The following ABR variants were observed in gnomAD, a reference collection of about 807,000 sequenced individuals.
ABR encodes the protein active breakpoint cluster region-related protein.
A neutral mutation model predicts 107.2 loss-of-function variants in ABR; 35 were observed. The ratio of observed to expected loss-of-function variants is 0.33; its 90% confidence interval spans 0.25 to 0.43. The LOEUF (loss-of-function observed/expected upper bound fraction) is 0.43. ABR is among the 20% of genes least tolerant of loss of function. The pLI, the probability that ABR is intolerant of heterozygous loss-of-function variation, is 1.00. For missense variants in ABR, 815 were observed against 1,115.2 expected (o/e 0.73, Z 3.83); for synonymous variants, 498 against 462.0 (o/e 1.08, Z -1.00).
At chr17:1,062,136 A>G (rs1014651379) in intron 10 of ABR, among the ~76,000 whole-genome samples, 1 of 152,096 alleles carries the variant, frequency 6.6e-6, no homozygotes, top group African/African-American at 2.4e-5. Flanking sequence ...AAACCGCTCC[A>G]GGCCCTTCCT....
intron 16 of ABR, among the ~76,000 whole-genome samples, chr17:1,040,295 G>A (rs1028095477): frequency 6.6e-6 from 1 of 152,212 alleles, no homozygotes; most frequent in East Asian, 1.9e-4. Context: ...CTTGACTCCT[G>A]CCCTGGCGGG....
At chr17:1,145,401 T>C (rs2040484291) in intron 1 of ABR, among the ~76,000 whole-genome samples, 1 of 152,218 alleles carries the variant, frequency 6.6e-6, no homozygotes, top group African/African-American at 2.4e-5. Flanking sequence ...TGATAACAAG[T>C]AATAATCCTG....
chr17:1,201,999 A>T (rs1336627539), intron 1 of ABR, among the ~76,000 whole-genome samples: 2 of 151,930 alleles, frequency 1.3e-5, no homozygotes, highest in African/African-American at 4.8e-5. Flanking sequence ...TTTCTTAAAA[A>T]GTCAAAGCAA....
At chr17:1,102,130 G>C (rs191473529) in intron 2 of ABR, among the ~76,000 whole-genome samples, 2 of 152,084 alleles carry the variant, frequency 1.3e-5, no homozygotes, top group Non-Finnish European at 2.9e-5. Context: ...CCGGATGCCC[G>C]TCCCTACCCT....
In ABR at chr17:1,226,446, GTGTA is replaced by G. The variant is rs535577223; in HGVS notation, c.838+2343_838+2346del. 2.8e-4 allele frequency among the ~76,000 whole-genome samples: 42 copies of G among 152,048 alleles called. No individual in the cohort carries two copies. In the East Asian group the frequency reaches 7.4e-3, roughly 27 times the overall value. On this transcript the variant is annotated intron_variant, in intron 1 of 22. Transcript: ENST00000574139. ...GTGCCATGTATATACGTGTGCAGGT[GTGTA>G]TGTGTGTGCATGCATGTATGTGGCA...
At chr17:1,130,965 T>C (rs2151468567) in intron 1 of ABR, among the ~76,000 whole-genome samples, 1 of 152,356 alleles carries the variant, frequency 6.6e-6, no homozygotes, top group Non-Finnish European at 1.5e-5. Flanking sequence ...ATTTCTGCTG[T>C]TCTAAGCCAT....
intron 4 of ABR, among the ~76,000 whole-genome samples, chr17:1,087,716 ATTC>A (rs1168850544): frequency 6.6e-6 from 1 of 151,794 alleles, no homozygotes; most frequent in East Asian, 1.9e-4. Context: ...GATCACCGAT[ATTC>A]TTCCAGGAAA....
chr17:1,183,137 G>A (rs1458195095), upstream of ABR, among the ~76,000 whole-genome samples: 1 of 152,180 alleles, frequency 6.6e-6, no homozygotes, highest in Admixed American at 6.5e-5. Context: ...ATCTGTCAGA[G>A]GAGCGGGGAG....
At chr17:1,161,234 C>T (rs987743586) in intron 1 of ABR, among the ~76,000 whole-genome samples, 35 of 151,360 alleles carry the variant, frequency 2.3e-4, no homozygotes, top group African/African-American at 8.0e-4. Flanking sequence ...ATCCCCGTCA[C>T]CCACAAGTCC....
chr17:1,149,055 C>T (rs2151522758), intron 1 of ABR, among the ~76,000 whole-genome samples: 1 of 150,140 alleles, frequency 6.7e-6, no homozygotes, highest in South Asian at 2.1e-4. Context: ...GTGCCTGCCA[C>T]CATGCCTGGC....
intron 2 of ABR, among the ~76,000 whole-genome samples, chr17:1,116,082 C>T (rs190008130): frequency 1.4e-4 from 21 of 149,462 alleles, no homozygotes; most frequent in African/African-American, 3.5e-4. Context: ...CAAAATTAGC[C>T]GGATGTGGTG....
intron 1 of ABR, among the ~76,000 whole-genome samples, chr17:1,226,073 C>T (rs1056579758): frequency 3.3e-5 from 5 of 152,164 alleles, no homozygotes; most frequent in Non-Finnish European, 7.3e-5. Context: ...GAGAAAAACC[C>T]CTGCCTGCCT....
chr17:1,028,034 C>T (rs2072356639), intron 16 of ABR, among the ~76,000 whole-genome samples: 1 of 152,000 alleles, frequency 6.6e-6, no homozygotes, highest in Non-Finnish European at 1.5e-5. Flanking sequence ...AAACGACAGG[C>T]TCTGTGAGGG....
chr17:1,058,695 C>T, intron 11 of ABR, 50 bp downstream of exon 11: 2 of 1,603,072 alleles, frequency 1.2e-6, no homozygotes, highest in Admixed American at 1.7e-5. Flanking sequence ...GAGTGGGCTG[C>T]TCTGGACTAA....
intron 1 of ABR, among the ~76,000 whole-genome samples, chr17:1,146,518 A>G (rs1310573006): frequency 6.6e-6 from 1 of 152,180 alleles, no homozygotes; most frequent in African/African-American, 2.4e-5. Context: ...GGGCACATGA[A>G]GATGACCATG....
intron 1 of ABR, among the ~76,000 whole-genome samples, chr17:1,133,680 C>T (rs1225470054): frequency 6.6e-6 from 1 of 152,168 alleles, no homozygotes; most frequent in Non-Finnish European, 1.5e-5. Context: ...AATTAATGTA[C>T]GGTCTCTGCG....
At chr17:1,170,820 C>G (rs2151597146) in intron 1 of ABR, among the ~76,000 whole-genome samples, 1 of 152,188 alleles carries the variant, frequency 6.6e-6, no homozygotes, top group Non-Finnish European at 1.5e-5. Context: ...TCACGGGACC[C>G]CAGGATCCTG....
chr17:1,210,839 C>T lies in ABR; in HGVS notation c.838+17954G>A, dbSNP rs868105656. Among the ~76,000 whole-genome samples the T allele has an allele frequency of 1.3e-5, 2 of 152,200 alleles. No individual in the cohort carries two copies. Among genetic ancestry groups the T allele is most frequent in the South Asian group, 4.1e-4 (2 of 4,836 alleles). On this transcript the variant is annotated intron_variant, in intron 1 of 22. Coordinates refer to the ABR transcript ENST00000574139. The surrounding 1 kb of genome is among the most constrained non-coding windows in gnomAD (Gnocchi z 5.6). ...GAACCGTATTTTTGCATCCTTTTAACATCAACCTGTAGGGCCAGATGGACG... is the reference window on the plus strand; with the variant it reads ...GAACCGTATTTTTGCATCCTTTTAATATCAACCTGTAGGGCCAGATGGACG...
At chr17:1,009,649 G>A (rs374158139) in intron 21 of ABR, 30 bp downstream of exon 21, 94 of 1,576,588 alleles carry the variant, frequency 6.0e-5, no homozygotes, top group Non-Finnish European at 7.8e-5. Context: ...GAGGGACTGA[G>A]GAGGTGGGGT....
Sources: allele counts gnomAD v4.1 joint callset (sites outside exome capture counted in the v4.1 genomes callset), GRCh38; gene constraint gnomAD v4.1.1; non-coding constraint Gnocchi (gnomAD v3.1); transcripts MANE v1.5; gene names NCBI Gene and HGNC (gene_info 2026-07-23, HGNC 2026-07-21).